EXOC6B: variants seen among roughly 807,000 people sequenced by gnomAD.
The protein encoded by EXOC6B is exocyst complex component 6B.
In EXOC6B, 54 loss-of-function variants were observed where a neutral mutation model predicts 113.5. That is an observed-to-expected ratio of 0.48 (90% confidence interval 0.38 to 0.60). The LOEUF is 0.60. EXOC6B is among the 20% of genes least tolerant of loss of function. The pLI is 0.00. For missense variants in EXOC6B, 797 were observed against 977.5 expected, an observed-to-expected ratio of 0.82 and a Z score of 2.46; for synonymous variants, 357 against 339.0, an observed-to-expected ratio of 1.05 and a Z score of -0.58.
At chr2:72,588,589 C>A (rs1705729543) in intron 6 of EXOC6B, among the ~76,000 whole-genome samples, 1 of 151,906 alleles carries the variant, frequency 6.6e-6, no homozygotes. Flanking sequence ...TTAAAAAGTT[C>A]TAGAGATTGG....
At chr2:72,726,817 G>A (rs1352859776) in intron 5 of EXOC6B, among the ~76,000 whole-genome samples, 3 of 152,080 alleles carry the variant, frequency 2.0e-5, no homozygotes, top group African/African-American at 7.2e-5. Context: ...ATAAAATACA[G>A]TCAGCCCTTC....
chr2:72,250,883 T>C (rs897219110), intron 20 of EXOC6B, among the ~76,000 whole-genome samples: 1 of 152,206 alleles, frequency 6.6e-6, no homozygotes, highest in Non-Finnish European at 1.5e-5. Context: ...GAGGTTTTGC[T>C]GTTGCCCAGG....
chr2:72,463,435 C>A (rs185410839), intron 18 of EXOC6B: 2 of 152,120 alleles, frequency 1.3e-5, no homozygotes, highest in South Asian at 2.1e-4. Flanking sequence ...GAGGACAAAA[C>A]CTTTTAAAGG....
chr2:72,539,958 C>T (rs1356526248), intron 8 of EXOC6B, among the ~76,000 whole-genome samples: 1 of 121,054 alleles, frequency 8.3e-6, no homozygotes, highest in South Asian at 3.2e-4. Flanking sequence ...TCCCCCCACC[C>T]CACAACAGTC....
intron 8 of EXOC6B, among the ~76,000 whole-genome samples, chr2:72,523,549 C>T (rs1236480175): frequency 6.6e-6 from 1 of 152,018 alleles, no homozygotes; most frequent in African/African-American, 2.4e-5. Flanking sequence ...GAGGCCGAGG[C>T]GGGCAGATCA....
At position 72,649,687 on chromosome 2, in the gene EXOC6B, A is replaced by G. The variant is rs115043165; in HGVS notation, c.669+68416T>C. 5.6e-3 allele frequency among the ~76,000 whole-genome samples: 849 copies of G among 152,318 alleles called. 7 individuals carry two copies. The highest frequency in any genetic ancestry group is 0.02 in the African/African-American group (821 of 41,580). On this transcript the variant is annotated intron_variant, in intron 6 of 21. Coordinates refer to ENST00000272427, the MANE Select transcript of EXOC6B (RefSeq NM_015189.3). ...GTCTACCTTATTGCAAGACTTATACAGCTACAGTAATCAAGACTGCGTGAA... is the reference window on the plus strand; with the variant it reads ...GTCTACCTTATTGCAAGACTTATACGGCTACAGTAATCAAGACTGCGTGAA...
At chr2:72,306,452 T>C (rs1370787214) in intron 20 of EXOC6B, among the ~76,000 whole-genome samples, 1 of 152,230 alleles carries the variant, frequency 6.6e-6, no homozygotes, top group Non-Finnish European at 1.5e-5. Context: ...ACATGTGCAT[T>C]AACCTAGTCC....
intron 6 of EXOC6B, among the ~76,000 whole-genome samples, chr2:72,639,304 T>C (rs1185286504): frequency 6.6e-6 from 1 of 152,124 alleles, no homozygotes; most frequent in Non-Finnish European, 1.5e-5. Flanking sequence ...TCCTTCCCTA[T>C]GCTGGGTGAC....
At chr2:72,452,328 T>C (rs958247153) in intron 18 of EXOC6B, among the ~76,000 whole-genome samples, 1 of 152,208 alleles carries the variant, frequency 6.6e-6, no homozygotes, top group Admixed American at 6.5e-5. Flanking sequence ...ATTTACTCAA[T>C]GCTGGCCATA....
At chr2:72,239,740 A>G (rs1384344360) in intron 20 of EXOC6B, among the ~76,000 whole-genome samples, 1 of 152,186 alleles carries the variant, frequency 6.6e-6, no homozygotes, top group Non-Finnish European at 1.5e-5. Flanking sequence ...GAATCTATAA[A>G]TCAATTTTGA....
intron 20 of EXOC6B, among the ~76,000 whole-genome samples, chr2:72,255,046 G>C (rs959746116): frequency 3.9e-5 from 6 of 152,208 alleles, no homozygotes; most frequent in Non-Finnish European, 7.3e-5. Context: ...AAAGTATGCT[G>C]TGGATATCAA....
intron 20 of EXOC6B, among the ~76,000 whole-genome samples, chr2:72,324,992 C>T (rs1359528872): frequency 5.3e-5 from 8 of 152,152 alleles, no homozygotes; most frequent in Non-Finnish European, 8.8e-5. Context: ...GCCTATATAA[C>T]TAGTCATCAG....
At chr2:72,435,724 G>GT (rs200460115) in intron 18 of EXOC6B, among the ~76,000 whole-genome samples, 22,625 of 144,194 alleles carry the variant, frequency 0.16, 2,274 homozygotes, top group African/African-American at 0.29. Context: ...CTTTTTTTTT[G>GT]TTTTTTTTTT....
intron 8 of EXOC6B, among the ~76,000 whole-genome samples, chr2:72,547,969 CGTGAAT>C (rs1322457500): frequency 6.6e-6 from 1 of 152,072 alleles, no homozygotes; most frequent in Non-Finnish European, 1.5e-5. Context: ...CTAAACTGTA[CGTGAAT>C]GTGAAGATTT....
At position 72,730,988 on chromosome 2, in the gene EXOC6B, G is replaced by A. The variant is rs1050260211; in HGVS notation, c.464+19C>T. 45 of 1,510,350 alleles carry A rather than the reference G, an allele frequency of 3.0e-5. No individual in the cohort carries two copies. The highest frequency in any genetic ancestry group is 9.8e-5 in the East Asian group (4 of 40,720). The allele number at this position is 1,510,350 out of a possible 1,614,324, so 93.6% of individuals were successfully genotyped here. On this transcript the variant is annotated intron_variant, in intron 5 of 21. Coordinates refer to ENST00000272427, the MANE Select transcript of EXOC6B (RefSeq NM_015189.3). ...AAATTTTAGATAGTAAAAACTGTTC[G>A]ATTAAAAAAAAATCTTACCTTTTAG... is the stretch of plus-strand genomic sequence containing the variant.
At chr2:72,706,950 T>TCACA (rs1678921520) in intron 6 of EXOC6B, among the ~76,000 whole-genome samples, 1 of 152,134 alleles carries the variant, frequency 6.6e-6, no homozygotes, top group Non-Finnish European at 1.5e-5. Flanking sequence ...TGAGGAAAAG[T>TCACA]CACATGTAAG....
chr2:72,459,118 C>G (rs1174847396), intron 18 of EXOC6B, among the ~76,000 whole-genome samples: 3 of 152,134 alleles, frequency 2.0e-5, no homozygotes, highest in African/African-American at 4.8e-5. Context: ...ATGATTATCT[C>G]AATAGAGGCA....
At chr2:72,443,320 C>CAAA (rs61290907) in intron 18 of EXOC6B, among the ~76,000 whole-genome samples, 5 of 92,760 alleles carry the variant, frequency 5.4e-5, no homozygotes, top group African/African-American at 6.4e-5. Flanking sequence ...GAGATTCTGT[C>CAAA]AAAAAAAAAA....
chr2:72,222,332 G>C (rs1437227277), intron 20 of EXOC6B, among the ~76,000 whole-genome samples: 2 of 152,200 alleles, frequency 1.3e-5, no homozygotes, highest in African/African-American at 4.8e-5. Flanking sequence ...CTTTCTACAG[G>C]AAAGGTGGGC....
Sources: gnomAD v4.1 joint callset for allele counts (sites outside exome capture counted in the v4.1 genomes callset) on GRCh38, gnomAD v4.1.1 for gene constraint, MANE v1.5 for transcripts, NCBI Gene and HGNC (gene_info 2026-07-23, HGNC 2026-07-21) for gene names.